PBRM1: variants seen among roughly 807,000 people sequenced by gnomAD.
PBRM1 encodes protein polybromo-1.
In PBRM1, 27 loss-of-function variants were observed where a neutral mutation model predicts 194.5. That is an observed-to-expected ratio of 0.14 (90% CI 0.10 to 0.19). The LOEUF (loss-of-function observed/expected upper bound fraction) is 0.19, where lower values mean the gene tolerates loss of function less well. PBRM1 is among the 10% of genes least tolerant of loss of function. The pLI, the probability that PBRM1 is intolerant of heterozygous loss-of-function variation, is 1.00. For synonymous variants in PBRM1, 655 were observed against 693.2 expected, an observed-to-expected ratio of 0.94 and a Z score of 0.87; for missense variants, 1,466 against 2,077.2, an observed-to-expected ratio of 0.71 and a Z score of 5.72.
chr3:52,572,529 A>C (rs554612326), intron 22 of PBRM1, among the ~76,000 whole-genome samples: 83 of 152,182 alleles, frequency 5.5e-4, no homozygotes, highest in African/African-American at 1.8e-3. Flanking sequence ...GCACCACCAC[A>C]GCTGGCTAAT....
chr3:52,590,056 G>A (rs2092871973), intron 17 of PBRM1, among the ~76,000 whole-genome samples: 3 of 151,776 alleles, frequency 2.0e-5, no homozygotes, highest in South Asian at 4.2e-4. Flanking sequence ...TCGATCTCTC[G>A]ACCTGAGATC....
intron 20 of PBRM1, 106 bp from the exon 23 acceptor site, chr3:52,579,305 C>T (rs1033716992): frequency 5.2e-5 from 56 of 1,074,010 alleles, no homozygotes; most frequent in Non-Finnish European, 7.4e-5. Context: ...AAAGAAAAAA[C>T]CACCATTGGT....
At chr3:52,644,575 G>C in intron 8 of PBRM1, 129 bp downstream of exon 9, 1 of 404,460 alleles carries the variant, frequency 2.5e-6, no homozygotes, top group Non-Finnish European at 4.5e-6. Context: ...AGTAGAGATG[G>C]GGTTTCACCA....
exon 17 of PBRM1, chr3:52,603,601 T>C (rs1347039240): frequency 6.2e-7 from 1 of 1,612,514 alleles, no homozygotes. Context: ...CTCCACATCA[T>C]TATGCAAATG....
rs1435230735 is a variant in PBRM1, at chr3:52,561,696, C to T, written c.4288+71G>A. 15 of 1,322,868 alleles carry T rather than the reference C, an allele frequency of 1.1e-5. No homozygotes were observed. The Admixed American group carries it at 1.7e-4, about 15-fold the overall frequency. 81.9% of individuals were successfully genotyped at this position (1,322,868 alleles called of 1,614,324 possible). A position where few individuals can be genotyped will look rare whatever the true frequency, so the allele number is the denominator to read the frequency against. On this transcript the variant is annotated intron_variant, in intron 25 of 29. Transcript: ENST00000296302. Reference sequence around the variant, plus strand: ...GCAAGTGGTAAGAACAAGAGTAAAACCTGTCTGTGCGCGTGCATTCCTGAA... The same window carrying T: ...GCAAGTGGTAAGAACAAGAGTAAAATCTGTCTGTGCGCGTGCATTCCTGAA...
At chr3:52,614,875 C>T (rs376080705) in intron 15 of PBRM1, among the ~76,000 whole-genome samples, 1 of 152,236 alleles carries the variant, frequency 6.6e-6, no homozygotes, top group East Asian at 1.9e-4. Flanking sequence ...CTGGCCTTCA[C>T]TTACAACTTT....
At chr3:52,597,010 T>C (rs1016046289) in intron 17 of PBRM1, among the ~76,000 whole-genome samples, 1 of 152,104 alleles carries the variant, frequency 6.6e-6, no homozygotes, top group African/African-American at 2.4e-5. Flanking sequence ...GTTCTGACAA[T>C]TGTCCAGTCC....
intron 17 of PBRM1, among the ~76,000 whole-genome samples, chr3:52,594,701 C>G (rs1291174678): frequency 6.6e-6 from 1 of 152,118 alleles, no homozygotes; most frequent in African/African-American, 2.4e-5. Flanking sequence ...TTTGTAGTGT[C>G]TGGTAACAGT....
At chr3:52,629,571 C>T (rs1295857637) in intron 11 of PBRM1, among the ~76,000 whole-genome samples, 1 of 152,176 alleles carries the variant, frequency 6.6e-6, no homozygotes, top group African/African-American at 2.4e-5. Flanking sequence ...TGTCAGAGTC[C>T]ATTCATTTCT....
intron 9 of PBRM1, among the ~76,000 whole-genome samples, 158 bp from the exon 11 acceptor site, chr3:52,642,203 A>G (rs1034105468): frequency 3.9e-5 from 6 of 152,232 alleles, no homozygotes; most frequent in Non-Finnish European, 7.3e-5. Context: ...TGGTTCTCAT[A>G]ATCAATCTTA....
chr3:52,607,906 C>CTA, intron 16 of PBRM1, among the ~76,000 whole-genome samples: 1 of 152,326 alleles, frequency 6.6e-6, no homozygotes, highest in Non-Finnish European at 1.5e-5. Context: ...GGCCCCAACT[C>CTA]TATCCCTGTC....
chr3:52,563,581 G>A lies in PBRM1; in HGVS notation c.3876-88C>T, dbSNP rs751752083. Reference sequence around the variant, plus strand: ...CAGTGTTCCACCTTAACAACTAGAAGTGACTTCCTGCAATCTGCAATATAT... The same window carrying A: ...CAGTGTTCCACCTTAACAACTAGAAATGACTTCCTGCAATCTGCAATATAT... On this transcript the variant is annotated intron_variant, in intron 23 of 29. Transcript: ENST00000296302. The A allele has an allele frequency of 1.3e-5, 11 of 855,322 alleles. 1 individual carries two copies. The South Asian group carries it at 1.3e-4, about 10-fold the overall frequency. 53.0% of individuals were successfully genotyped at this position (855,322 alleles called of 1,614,324 possible).
At chr3:52,546,918 A>C (rs1480263154), downstream of PBRM1, 3 of 233,246 alleles carry the variant, frequency 1.3e-5, no homozygotes, top group African/African-American at 6.6e-5. Flanking sequence ...GTTGAGAATT[A>C]TAACAACATT....
chr3:52,612,246 G>A (rs893310082), intron 15 of PBRM1, among the ~76,000 whole-genome samples: 4 of 53,806 alleles, frequency 7.4e-5, no homozygotes, highest in South Asian at 4.3e-4. Context: ...GCAACAGAGC[G>A]AGATTCCGTC....
intron 5 of PBRM1, among the ~76,000 whole-genome samples, chr3:52,653,237 A>G (rs2096542321): frequency 6.6e-6 from 1 of 152,208 alleles, no homozygotes; most frequent in African/African-American, 2.4e-5. Flanking sequence ...GCTTCTGCTT[A>G]TTTCAGTCAA....
intron 2 of PBRM1, among the ~76,000 whole-genome samples, chr3:52,675,682 A>G (rs555895251): frequency 8.5e-5 from 13 of 152,300 alleles, no homozygotes; most frequent in African/African-American, 3.1e-4. Context: ...CACAGGGACC[A>G]ATGGAATAGA....
exon 10 of PBRM1, chr3:52,641,972 C>T (rs2153706262): frequency 6.2e-7 from 1 of 1,603,948 alleles, no homozygotes; most frequent in Non-Finnish European, 8.5e-7. Flanking sequence ...GCAGCATCTT[C>T]TTCACTTTCT....
chr3:52,564,287 T>C (rs1575657103), intron 22 of PBRM1, 54 bp from the exon 25 acceptor site: 1 of 1,224,582 alleles, frequency 8.2e-7, no homozygotes, highest in East Asian at 2.3e-5. Flanking sequence ...TCATAGTTAC[T>C]AACTGTTTTA....
chr3:52,671,394 C>T (rs2096945524), intron 2 of PBRM1, among the ~76,000 whole-genome samples: 1 of 152,318 alleles, frequency 6.6e-6, no homozygotes, highest in South Asian at 2.1e-4. Context: ...CCTCAGCACT[C>T]GCCTGCCAGC....
Sources: allele counts gnomAD v4.1 joint callset (sites outside exome capture counted in the v4.1 genomes callset), GRCh38; gene constraint gnomAD v4.1.1; transcripts MANE v1.5; gene names NCBI Gene and HGNC (gene_info 2026-07-23, HGNC 2026-07-21).